DLC1: variants seen among roughly 807,000 people sequenced by gnomAD.
The protein encoded by DLC1 is rho GTPase-activating protein 7.
In DLC1, 54 loss-of-function variants were observed where a neutral mutation model predicts 140.3. The observed-to-expected ratio is 0.38, with a 90% confidence interval of 0.31 to 0.48. The LOEUF (loss-of-function observed/expected upper bound fraction) is 0.48. DLC1 is among the 20% of genes least tolerant of loss of function. The probability of loss-of-function intolerance (pLI) is 0.96; values close to 1 mark genes in which losing one functional copy is unlikely to be tolerated. For synonymous variants in DLC1, 986 were observed against 728.1 expected (o/e 1.35, Z -5.70); for missense variants, 2,536 against 1,907.0 (o/e 1.33, Z -6.14).
At chr8:13,379,819 A>T (rs1836171339) in intron 4 of DLC1, among the ~76,000 whole-genome samples, 1 of 152,166 alleles carries the variant, frequency 6.6e-6, no homozygotes, top group Non-Finnish European at 1.5e-5. Context: ...GCAGCCTCAA[A>T]AAAGATTGAG....
At chr8:13,522,144 G>T (rs557314756) in intron 1 of DLC1, among the ~76,000 whole-genome samples, 1 of 152,240 alleles carries the variant, frequency 6.6e-6, no homozygotes, top group South Asian at 2.1e-4. Flanking sequence ...ATGTTTCCTG[G>T]TACTGCGCAG....
intron 5 of DLC1, among the ~76,000 whole-genome samples, chr8:13,187,879 G>C (rs1355508088): frequency 1.3e-5 from 2 of 152,148 alleles, no homozygotes; most frequent in African/African-American, 4.8e-5. Context: ...AGCCTGAATA[G>C]TTGTTTCTTT....
intron 2 of DLC1, among the ~76,000 whole-genome samples, chr8:13,428,879 T>C (rs1009422213): frequency 3.9e-5 from 6 of 152,192 alleles, no homozygotes; most frequent in Admixed American, 2.6e-4. Context: ...AACCCAATTA[T>C]AGAAGAGACC....
intron 2 of DLC1, among the ~76,000 whole-genome samples, chr8:13,413,936 G>C (rs372158543): frequency 1.3e-5 from 2 of 152,110 alleles, no homozygotes; most frequent in African/African-American, 4.8e-5. Flanking sequence ...GTGGAACTGG[G>C]AGAGGGGCAA....
chr8:13,206,165 C>T (rs1827654176), intron 5 of DLC1, among the ~76,000 whole-genome samples: 1 of 152,156 alleles, frequency 6.6e-6, no homozygotes. Context: ...TGAAAAACTT[C>T]ACTGAATAGC....
intron 5 of DLC1, among the ~76,000 whole-genome samples, chr8:13,187,429 A>T (rs1282722761): frequency 1.3e-5 from 2 of 152,100 alleles, no homozygotes; most frequent in East Asian, 3.9e-4. Context: ...TGTCATGTTA[A>T]TTTTTCTGAT....
intron 1 of DLC1, among the ~76,000 whole-genome samples, chr8:13,603,709 G>A (rs17094719): frequency 0.024 from 3,621 of 152,148 alleles, 203 homozygotes; most frequent in East Asian, 0.11. Context: ...AAAGATGACT[G>A]TGCAATTACT....
At chr8:13,458,609 T>C (rs1339440887) in intron 2 of DLC1, among the ~76,000 whole-genome samples, 1 of 152,240 alleles carries the variant, frequency 6.6e-6, no homozygotes, top group Non-Finnish European at 1.5e-5. Flanking sequence ...AGTCATCTGA[T>C]AGTAAGTCAC....
At chr8:13,602,399 T>G (rs1805918480) in intron 1 of DLC1, among the ~76,000 whole-genome samples, 1 of 151,800 alleles carries the variant, frequency 6.6e-6, no homozygotes, top group African/African-American at 2.4e-5. Flanking sequence ...GACATTAATG[T>G]TATTTATTTT....
rs1330655954 is a variant in DLC1 at position 13,292,748 on chromosome 8, C to G, written c.1348+12521G>C. 2.6e-5 allele frequency among the ~76,000 whole-genome samples: 4 copies of G among 152,168 alleles called. No homozygotes were observed. The East Asian group carries it at 7.7e-4, about 29-fold the overall frequency. On this transcript the variant is annotated intron_variant, in intron 5 of 17. Coordinates refer to ENST00000276297, the MANE Select transcript of DLC1 (RefSeq NM_182643.3). ...TCTAACAGAATTCTGACATTTTTTT[C>G]TCTTTAAGAGTCTTCATTTTTAAAA...
chr8:13,174,735 AAGTTCCTTAT>A (rs1825669112), intron 5 of DLC1, among the ~76,000 whole-genome samples: 2 of 151,996 alleles, frequency 1.3e-5, no homozygotes, highest in African/African-American at 4.8e-5. Flanking sequence ...TTGCTGACTT[AAGTTCCTTAT>A]AGATTCTGCA....
chr8:13,182,890 A>G (rs1416893935), intron 5 of DLC1, among the ~76,000 whole-genome samples: 1 of 152,156 alleles, frequency 6.6e-6, no homozygotes, highest in African/African-American at 2.4e-5. Context: ...ATGCCATTGA[A>G]TCTGTAAATT....
chr8:13,102,830 C>A lies in DLC1; in HGVS notation c.1526G>T (p.Cys509Phe). 1 of 1,614,048 alleles carries A rather than the reference C, an allele frequency of 6.2e-7. No homozygotes were observed. The highest frequency in any genetic ancestry group is 8.5e-7 in the Non-Finnish European group (1 of 1,179,986). ...ACTAATTTCTAGCTTCATCACCGCA[C>A]ATTTGTTTAAAGTATTTAGACGCCT... ...LCRRLNTLNKCAVMKLEISPH... is the reference protein window; with the variant it reads ...LCRRLNTLNKFAVMKLEISPH... The change falls in exon 8 of 18, where the codon TGT becomes TTT. Residue 509 changes from cysteine to phenylalanine, a missense_variant. Coordinates refer to ENST00000276297, the MANE Select transcript of DLC1 (RefSeq NM_182643.3).
At chr8:13,271,723 C>G (rs1232893797) in intron 5 of DLC1, among the ~76,000 whole-genome samples, 1 of 152,192 alleles carries the variant, frequency 6.6e-6, no homozygotes, top group Non-Finnish European at 1.5e-5. Context: ...CTTGCTATGT[C>G]ATTCAAGCTG....
intron 5 of DLC1, among the ~76,000 whole-genome samples, chr8:13,120,100 T>C (rs953577842): frequency 5.3e-5 from 8 of 151,354 alleles, no homozygotes; most frequent in African/African-American, 1.9e-4. Flanking sequence ...ACCAGCACTT[T>C]AGGAGGCCAA....
chr8:13,094,779 G>C lies in DLC1; in HGVS notation c.3506C>G (p.Thr1169Ser). Residue 1169 changes from threonine (T) to serine (S), a missense_variant, in exon 12 of 18, where the codon ACC (threonine) becomes AGC (serine). By Grantham distance (58) the Thr-to-Ser change is moderately conservative (BLOSUM62 1). Transcript: ENST00000276297. ...CTCACATTGGTAGATCTGTAGAAAG[G>C]TTTCCGAGAGTTTGTTCGTCATTAG... ...EPLMTNKLSE[T>S]FLQIYQYVPK... The C allele has an allele frequency of 1.2e-6, 2 of 1,614,194 alleles. No homozygotes were observed. The highest frequency in any genetic ancestry group is 1.7e-6 in the Non-Finnish European group (2 of 1,180,040).
At chr8:13,148,464 G>C (rs182574630) in intron 5 of DLC1, among the ~76,000 whole-genome samples, 29 of 152,310 alleles carry the variant, frequency 1.9e-4, no homozygotes, top group African/African-American at 6.7e-4. Context: ...ACAGGGTTCT[G>C]TTCGTTTTTG....
At chr8:13,466,485 G>A (rs988335120) in intron 2 of DLC1, among the ~76,000 whole-genome samples, 8 of 152,216 alleles carry the variant, frequency 5.3e-5, no homozygotes, top group Non-Finnish European at 1.0e-4. Flanking sequence ...ACACACGTTA[G>A]ACAAGAGCCA....
At chr8:13,345,854 T>C (rs1201373873) in intron 4 of DLC1, among the ~76,000 whole-genome samples, 1 of 152,176 alleles carries the variant, frequency 6.6e-6, no homozygotes, top group Non-Finnish European at 1.5e-5. Context: ...CCGCTGCATC[T>C]GGCCATTCAC....
Sources: allele counts gnomAD v4.1 joint callset (sites outside exome capture counted in the v4.1 genomes callset), GRCh38; gene constraint gnomAD v4.1.1; transcripts MANE v1.5; gene names NCBI Gene and HGNC (gene_info 2026-07-23, HGNC 2026-07-21).